Variants in ANKRD34C observed in about 807,000 individuals in gnomAD.
The protein encoded by ANKRD34C is ankyrin repeat domain 34C.
For missense variants in ANKRD34C, 563 were observed against 653.0 expected, an observed-to-expected ratio of 0.86 and a Z score of 1.50; for synonymous variants, 260 against 253.6, an observed-to-expected ratio of 1.03 and a Z score of -0.24.
At chr15:79,293,172 C>G (rs540707968) in intron 1 of ANKRD34C, 69 bp from the exon 2 acceptor site, 2 of 1,195,830 alleles carry the variant, frequency 1.7e-6, no homozygotes, top group Middle Eastern at 2.0e-4. Context: ...ACCCAGACCC[C>G]GTAATAACCA....
chr15:79,291,601 C>CACACACACAGAGAG (rs1429207880), intron 1 of ANKRD34C, among the ~76,000 whole-genome samples: 3 of 83,908 alleles, frequency 3.6e-5, no homozygotes, highest in Admixed American at 1.3e-4. Flanking sequence ...CACACACACA[C>CACACACACAGAGAG]AGAGAGAGAG....
At chr15:79,291,884 G>A (rs964660522) in intron 1 of ANKRD34C, among the ~76,000 whole-genome samples, 3 of 152,200 alleles carry the variant, frequency 2.0e-5, no homozygotes, top group African/African-American at 4.8e-5. Context: ...TCAAGGAGGA[G>A]TGGGGGATGA....
rs1268209044 is a variant in ANKRD34C at position 79,297,625 on chromosome 15, A to T, written c.*2733A>T. ...TAGACAGTCATCAGGCTAGTATCTT[A>T]TCTCATCACTACTTGACGATGAGTT... On this transcript the variant is annotated 3_prime_UTR_variant, in exon 2 of 2. Transcript: ENST00000421388. 6.0e-6 allele frequency: 1 copy of T among 167,138 alleles called. No individual in the cohort carries two copies. The highest frequency in any genetic ancestry group is 1.5e-5 in the Non-Finnish European group (1 of 68,138). The allele number at this position is 167,138 out of a possible 1,614,324, so 10.4% of individuals were successfully genotyped here. A position where few individuals can be genotyped will look rare whatever the true frequency, so the allele number is the denominator to read the frequency against.
At position 79,293,960 on chromosome 15, in the gene ANKRD34C, G is replaced by A. The variant is rs997529621; in HGVS notation, c.676G>A (p.Val226Ile). ...AAGCAGTTGTAACACCTCCAAGGCT[G>A]TTAATGAGCCTGGGTCACCCACCAG... ...HPSSCNTSKA[V>I]NEPGSPTRKV... is the part of the protein sequence containing the mutation. The change falls in exon 2 of 2, where the codon GTT becomes ATT. Residue 226 changes from valine (V) to isoleucine (I), a missense_variant. Transcript: ENST00000421388. 2 of 1,551,678 alleles carry A rather than the reference G, an allele frequency of 1.3e-6. No individual in the cohort carries two copies. Among genetic ancestry groups the A allele is most frequent in the African/African-American group, 1.4e-5 (1 of 73,170 alleles).
Position 79,293,545 on chromosome 15 carries a change from T to A in ANKRD34C, c.261T>A (p.Thr87=). 6.4e-7 allele frequency: 1 copy of A among 1,551,690 alleles called. No homozygotes were observed. Among genetic ancestry groups the A allele is most frequent in the Non-Finnish European group, 8.7e-7 (1 of 1,146,988 alleles). The change falls in exon 2 of 2, where the codon ACT becomes ACA. Residue 87 remains threonine, a synonymous_variant. Transcript: ENST00000421388. ...ATATCCAAGATAAGTCTGGCAAGAC[T>A]GCCCTCATCCATGCCTGTATCAGAA... is the stretch of plus-strand genomic sequence containing the variant. The part of the protein sequence containing the change: ...DPNIQDKSGK[T]ALIHACIRRA...
At chr15:79,291,554 C>A (rs1424765100) in intron 1 of ANKRD34C, among the ~76,000 whole-genome samples, 3 of 75,162 alleles carry the variant, frequency 4.0e-5, no homozygotes, top group Admixed American at 1.4e-4. Flanking sequence ...GAGAGAAAGA[C>A]CATTCACACA....
chr15:79,285,626 C>T (rs531065268), intron 1 of ANKRD34C, among the ~76,000 whole-genome samples: 22 of 152,320 alleles, frequency 1.4e-4, no homozygotes, highest in East Asian at 7.7e-4. Context: ...TACACAAACC[C>T]GCATCCCTAT....
At chr15:79,289,668 T>C (rs962076647) in intron 1 of ANKRD34C, among the ~76,000 whole-genome samples, 1 of 152,204 alleles carries the variant, frequency 6.6e-6, no homozygotes, top group Non-Finnish European at 1.5e-5. Flanking sequence ...CCACCCTCCT[T>C]CCCACCTTCT....
rs2058664341 is a variant in ANKRD34C, at chr15:79,293,362, G to A, written c.78G>A (p.Leu26=). ...LKAVWLGRLR[L]TRLLLEGGAY... Reference sequence around the variant, plus strand: ...CTGTGTGGCTGGGGAGGCTCAGGTTGACCAGGCTGCTCTTGGAAGGGGGAG... The same window carrying A: ...CTGTGTGGCTGGGGAGGCTCAGGTTAACCAGGCTGCTCTTGGAAGGGGGAG... Residue 26 remains leucine (L), a synonymous_variant, in exon 2 of 2, where the codon TTG becomes TTA. Transcript: ENST00000421388. 6.4e-7 allele frequency: 1 copy of A among 1,551,528 alleles called. No homozygotes were observed. Among genetic ancestry groups the A allele is most frequent in the Non-Finnish European group, 8.7e-7 (1 of 1,146,904 alleles).
chr15:79,283,494 G>A (rs2058634702), intron 1 of ANKRD34C, among the ~76,000 whole-genome samples: 1 of 152,166 alleles, frequency 6.6e-6, no homozygotes, highest in African/African-American at 2.4e-5. Flanking sequence ...TAGGTGTCTG[G>A]ATTTTTGCAG....
chr15:79,296,735 G>T lies in ANKRD34C; in HGVS notation c.*1843G>T, dbSNP rs2058673226. The T allele has an allele frequency of 6.0e-6, 1 of 167,012 alleles. No homozygotes were observed. Among genetic ancestry groups the T allele is most frequent in the African/African-American group, 2.4e-5 (1 of 41,406 alleles). The allele number at this position is 167,012 out of a possible 1,614,324, so 10.3% of individuals were successfully genotyped here. ...TGTAGGATGTTTAGCAGCATCTCTG[G>T]CCTCCACTCACTAGATGGCAGTAAC... On this transcript the variant is annotated 3_prime_UTR_variant, in exon 2 of 2. Transcript: ENST00000421388.
chr15:79,296,042 T>C lies in ANKRD34C; in HGVS notation c.*1150T>C, dbSNP rs978629689. On this transcript the variant is annotated 3_prime_UTR_variant, in exon 2 of 2. Transcript: ENST00000421388. Reference sequence around the variant, plus strand: ...GAAAGCAGAGACTTAGCACATTTGGTATAATGTAGCCACATCTTAGATGAA... The same window carrying C: ...GAAAGCAGAGACTTAGCACATTTGGCATAATGTAGCCACATCTTAGATGAA... 3 of 167,148 alleles carry C rather than the reference T, an allele frequency of 1.8e-5. No homozygotes were observed. The highest frequency in any genetic ancestry group is 7.2e-5 in the African/African-American group (3 of 41,474). The allele number at this position is 167,148 out of a possible 1,614,324, so 10.4% of individuals were successfully genotyped here.
Position 79,297,350 on chromosome 15 carries a change from C to A in ANKRD34C, c.*2458C>A, listed in dbSNP as rs1241296757. The A allele has an allele frequency of 6.0e-6, 1 of 167,172 alleles. No individual in the cohort carries two copies. The highest frequency in any genetic ancestry group is 2.4e-5 in the African/African-American group (1 of 41,556). The allele number at this position is 167,172 out of a possible 1,614,324, so 10.4% of individuals were successfully genotyped here. On this transcript the variant is annotated 3_prime_UTR_variant, in exon 2 of 2. Coordinates refer to ENST00000421388, the MANE Select transcript of ANKRD34C (RefSeq NM_001146341.2). ...AAAACTGATCTCTGCTGGTAGTATT[C>A]AGTTGTGAGTATAGCAAGACACTGC...
Position 79,293,365 on chromosome 15 carries a change from C to T in ANKRD34C, c.81C>T (p.Thr27=). ...TGTGGCTGGGGAGGCTCAGGTTGACCAGGCTGCTCTTGGAAGGGGGAGCTT... is the reference window on the plus strand; with the variant it reads ...TGTGGCTGGGGAGGCTCAGGTTGACTAGGCTGCTCTTGGAAGGGGGAGCTT... ...KAVWLGRLRL[T]RLLLEGGAYI... The change falls in exon 2 of 2, where the codon ACC becomes ACT. Residue 27 remains threonine (T), a synonymous_variant. Coordinates refer to ENST00000421388, the MANE Select transcript of ANKRD34C (RefSeq NM_001146341.2). 1.3e-6 allele frequency: 2 copies of T among 1,551,438 alleles called. No homozygotes were observed. The highest frequency in any genetic ancestry group is 1.7e-6 in the Non-Finnish European group (2 of 1,146,894).
rs570897306 is a variant in ANKRD34C at position 79,283,472 on chromosome 15, G to A, written c.-45+244G>A. On this transcript the variant is annotated intron_variant, in intron 1 of 1. Coordinates refer to ENST00000421388, the MANE Select transcript of ANKRD34C (RefSeq NM_001146341.2). ...TTCTTGTAGGAAATGGTTGCGGAGCGGGGCTGGGTGATAGGTGTCTGGATT... is the reference window on the plus strand; with the variant it reads ...TTCTTGTAGGAAATGGTTGCGGAGCAGGGCTGGGTGATAGGTGTCTGGATT... Among the ~76,000 whole-genome samples, 50 of 152,278 alleles carry A rather than the reference G, an allele frequency of 3.3e-4. 1 individual carries two copies. In the South Asian group the frequency reaches 1.0e-2, roughly 30 times the overall value.
Position 79,294,190 on chromosome 15 carries a change from C to A in ANKRD34C, c.906C>A (p.Ile302=). 6.4e-7 allele frequency: 1 copy of A among 1,551,556 alleles called. No homozygotes were observed. The highest frequency in any genetic ancestry group is 8.7e-7 in the Non-Finnish European group (1 of 1,146,944). ...KRGPLSRTNS[I]DSKDPTLFHT... ...GGCCCCTCTCCAGAACCAACAGTATCGATAGCAAAGACCCCACCCTCTTTC... is the reference window on the plus strand; with the variant it reads ...GGCCCCTCTCCAGAACCAACAGTATAGATAGCAAAGACCCCACCCTCTTTC... The change falls in exon 2 of 2, where the codon ATC becomes ATA. Residue 302 remains isoleucine, a synonymous_variant. Transcript: ENST00000421388.
chr15:79,287,963 C>T lies in ANKRD34C; in HGVS notation c.-45+4735C>T, dbSNP rs377707207. Among the ~76,000 whole-genome samples the T allele has an allele frequency of 3.9e-5, 6 of 152,286 alleles. No individual in the cohort carries two copies. In the South Asian group the frequency reaches 1.0e-3, roughly 26 times the overall value. ...GTTGAGTCAGCCCTGCACATGGGGCCGGTCAAATAATATAAACCATCAGCC... is the reference window on the plus strand; with the variant it reads ...GTTGAGTCAGCCCTGCACATGGGGCTGGTCAAATAATATAAACCATCAGCC... On this transcript the variant is annotated intron_variant, in intron 1 of 1. Coordinates refer to ENST00000421388, the MANE Select transcript of ANKRD34C (RefSeq NM_001146341.2).
chr15:79,285,444 A>C (rs2058640940), intron 1 of ANKRD34C, among the ~76,000 whole-genome samples: 2 of 152,252 alleles, frequency 1.3e-5, no homozygotes, highest in Non-Finnish European at 1.5e-5. Flanking sequence ...TGTTAGTTAC[A>C]TAATTTATAA....
rs1381402602 is a variant in ANKRD34C at position 79,283,149 on chromosome 15, CT to C, written c.-123del. 3.3e-5 allele frequency among the ~76,000 whole-genome samples: 5 copies of C among 152,220 alleles called. No homozygotes were observed. The highest frequency in any genetic ancestry group is 9.6e-5 in the African/African-American group (4 of 41,454). On this transcript the variant is annotated 5_prime_UTR_variant, in exon 1 of 2. Transcript: ENST00000421388. Reference sequence around the variant, plus strand: ...TGCAGGTAGGGGTGCTGGACGCCCCCTGATTTTGTTTTGGGAATAATAATGA... The same window carrying C: ...TGCAGGTAGGGGTGCTGGACGCCCCCGATTTTGTTTTGGGAATAATAATGA...
Sources: gnomAD v4.1 joint callset for allele counts (sites outside exome capture counted in the v4.1 genomes callset) on GRCh38, gnomAD v4.1.1 for gene constraint, MANE v1.5 for transcripts, NCBI Gene and HGNC (gene_info 2026-07-23, HGNC 2026-07-21) for gene names.